Variants in MYO7A observed in about 807,000 individuals in gnomAD.
MYO7A encodes unconventional myosin-VIIa.
MYO7A carries 210 observed loss-of-function variants against 263.8 expected under a neutral mutation model. The ratio of observed to expected loss-of-function variants is 0.80; its 90% confidence interval spans 0.71 to 0.89. The LOEUF is 0.89. Ranked by LOEUF, MYO7A falls within the 40% of genes least tolerant of loss-of-function variation. The pLI is 0.00. For missense variants in MYO7A, 2,820 were observed against 2,968.3 expected (o/e 0.95, Z 1.16); for synonymous variants, 1,239 against 1,197.3 (o/e 1.03, Z -0.72).
chr11:77,183,169 C>A lies in MYO7A; in HGVS notation c.3375+12C>A. ...AGCTCACAGAGGAGGTGAGGGCAGA[C>A]GCTGGGGGTCTGGCAGCCCAGGGGT... On this transcript the variant is annotated intron_variant, in intron 26 of 48. Transcript: ENST00000409709. The A allele has an allele frequency of 1.3e-6, 2 of 1,550,548 alleles. No individual in the cohort carries two copies. Among genetic ancestry groups the A allele is most frequent in the Non-Finnish European group, 1.7e-6 (2 of 1,146,538 alleles).
intron 4 of MYO7A, among the ~76,000 whole-genome samples, chr11:77,153,680 G>A (rs1952183191): frequency 6.6e-6 from 1 of 152,170 alleles, no homozygotes; most frequent in African/African-American, 2.4e-5. Context: ...CAGCCTGGGT[G>A]ACCACCATTC....
chr11:77,177,556 A>G lies in MYO7A; in HGVS notation c.2195A>G (p.His732Arg). 6.2e-7 allele frequency: 1 copy of G among 1,610,686 alleles called. No homozygotes were observed. Among genetic ancestry groups the G allele is most frequent in the South Asian group, 1.1e-5 (1 of 90,148 alleles). ...GKTKIFLKDHHDMLLEVERDK... is the reference protein window; with the variant it reads ...GKTKIFLKDHRDMLLEVERDK... ...AGGAGCTCTGCCTCCTAGGACCACC[A>G]TGACATGCTGCTGGAAGTGGAGCGG... Residue 732 changes from histidine to arginine, a missense_variant, in exon 19 of 49, where the codon CAT becomes CGT. Coordinates refer to ENST00000409709, the MANE Select transcript of MYO7A (RefSeq NM_000260.4).
At position 77,196,961 on chromosome 11, in the gene MYO7A, C is replaced by T. The variant is rs572079664; in HGVS notation, c.4324-520C>T. 3.3e-5 allele frequency among the ~76,000 whole-genome samples: 5 copies of T among 152,346 alleles called. No individual in the cohort carries two copies. In the South Asian group the frequency reaches 1.0e-3, roughly 32 times the overall value. On this transcript the variant is annotated intron_variant, in intron 32 of 48. Coordinates refer to ENST00000409709, the MANE Select transcript of MYO7A (RefSeq NM_000260.4). ...GCACCCCTCACGGATCACCTCACCT[C>T]CAGGCTCCAGTTCTCCCTTGACACA... is the stretch of plus-strand genomic sequence containing the variant.
At position 77,181,540 on chromosome 11, in the gene MYO7A, C is replaced by T. The variant is rs782744022; in HGVS notation, c.2855C>T (p.Thr952Ile). The change falls in exon 23 of 49, where the codon ACT becomes ATT. Residue 952 changes from threonine to isoleucine, a missense_variant. By Grantham distance (89) the Thr-to-Ile change is moderately conservative. Coordinates refer to ENST00000409709, the MANE Select transcript of MYO7A (RefSeq NM_000260.4). ...GACAAGATGTTTGGCTTCCTGGGGA[C>T]TTCAGGTGGCCTGCCAGGCCAGGAG... ...MVDKMFGFLGTSGGLPGQEGQ... is the reference protein window; with the variant it reads ...MVDKMFGFLGISGGLPGQEGQ... The T allele has an allele frequency of 9.3e-6, 15 of 1,613,346 alleles. No homozygotes were observed. In the Admixed American group the frequency reaches 2.5e-4, roughly 27 times the overall value.
chr11:77,177,440 GA>G (rs1344735084), intron 18 of MYO7A, 108 bp from the exon 19 acceptor site: 2 of 875,936 alleles, frequency 2.3e-6, no homozygotes, highest in Non-Finnish European at 3.6e-6. Context: ...GGGCCCAACT[GA>G]GTTCTTGACC....
In MYO7A at chr11:77,206,140, G is replaced by A; in HGVS notation, c.5680G>A (p.Ala1894Thr). The A allele has an allele frequency of 6.2e-7, 1 of 1,613,402 alleles. No individual in the cohort carries two copies. The highest frequency in any genetic ancestry group is 1.7e-4 in the Middle Eastern group (1 of 6,058). ...CCCTCCGCACCTGGTGGAGGTGGAGGCCATCCAGCACAAGACCACCCAGAT... is the reference window on the plus strand; with the variant it reads ...CCCTCCGCACCTGGTGGAGGTGGAGACCATCCAGCACAAGACCACCCAGAT... ...KYPPHLVEVE[A>T]IQHKTTQIFH... The change falls in exon 41 of 49, where the codon GCC (alanine) becomes ACC (threonine). Residue 1894 changes from alanine (A) to threonine (T), a missense_variant. Transcript: ENST00000409709.
Position 77,206,133 on chromosome 11 carries a change from G to T in MYO7A, c.5673G>T (p.Glu1891Asp). ...GSRKYPPHLV[E>D]VEAIQHKTTQ... Reference sequence around the variant, plus strand: ...GGAAGTACCCTCCGCACCTGGTGGAGGTGGAGGCCATCCAGCACAAGACCA... The same window carrying T: ...GGAAGTACCCTCCGCACCTGGTGGATGTGGAGGCCATCCAGCACAAGACCA... The change falls in exon 41 of 49, where the codon GAG becomes GAT. Residue 1891 changes from glutamate (E) to aspartate (D), a missense_variant. Physicochemically the swap from Glu to Asp is conservative, Grantham distance 45 (BLOSUM62 2). Coordinates refer to ENST00000409709, the MANE Select transcript of MYO7A (RefSeq NM_000260.4). 6.2e-7 allele frequency: 1 copy of T among 1,613,540 alleles called. No homozygotes were observed. The highest frequency in any genetic ancestry group is 8.5e-7 in the Non-Finnish European group (1 of 1,179,744).
At chr11:77,140,898 G>C (rs1951170198) in intron 2 of MYO7A, among the ~76,000 whole-genome samples, 1 of 152,222 alleles carries the variant, frequency 6.6e-6, no homozygotes, top group Admixed American at 6.5e-5. Flanking sequence ...CCATTCACAT[G>C]AAGAGAGGGT....
intron 2 of MYO7A, chr11:77,142,454 C>A: frequency 1.9e-6 from 1 of 538,130 alleles, no homozygotes; most frequent in South Asian, 1.5e-5. Context: ...CCTTGGCTCT[C>A]TCTGAGCCTC....
rs1555048456 is a variant in MYO7A at position 77,138,225 on chromosome 11, G to A, written c.19-4484G>A. Among the ~76,000 whole-genome samples, 1 of 151,956 alleles carries A rather than the reference G, an allele frequency of 6.6e-6. No individual in the cohort carries two copies. On this transcript the variant is annotated intron_variant, in intron 2 of 48. Transcript: ENST00000409709. The surrounding 1 kb of genome is among the most constrained non-coding windows in gnomAD (Gnocchi z 4.9). ...GCCATGGGCCCGCAGCAGATGGCCCGGTTTAGGGTTCCGGGGCGGGCGGCG... is the reference window on the plus strand; with the variant it reads ...GCCATGGGCCCGCAGCAGATGGCCCAGTTTAGGGTTCCGGGGCGGGCGGCG...
intron 26 of MYO7A, among the ~76,000 whole-genome samples, chr11:77,184,266 CAG>C (rs782107475): frequency 2.0e-5 from 3 of 152,208 alleles, no homozygotes; most frequent in East Asian, 3.9e-4. Flanking sequence ...CGCTTGGAGT[CAG>C]AGGATCATGT....
chr11:77,190,040 C>A lies in MYO7A; in HGVS notation c.3651C>A (p.His1217Gln), dbSNP rs776731918. 3.8e-6 allele frequency: 6 copies of A among 1,559,618 alleles called. No individual in the cohort carries two copies. The highest frequency in any genetic ancestry group is 5.2e-6 in the Non-Finnish European group (6 of 1,152,398). ...TGCAGTACCTGCGGAACTTCATCCA[C>A]GGGGGCCCGCCCGGCTACGCCCCGT... ...KFVKYLRNFI[H>Q]GGPPGYAPYC... Residue 1217 changes from histidine to glutamine, a missense_variant, in exon 29 of 49, where the codon CAC (histidine) becomes CAA (glutamine). By Grantham distance (24) the His-to-Gln change is conservative. Coordinates refer to ENST00000409709, the MANE Select transcript of MYO7A (RefSeq NM_000260.4).
rs115708180 is a variant in MYO7A, at chr11:77,172,733, C to T, written c.1798-15C>T. ...CAGGCACAGCCCCTCCCATCGCTGCCGTCCGTCCCCCCAGGGCGCCGAGAC... is the reference window on the plus strand; with the variant it reads ...CAGGCACAGCCCCTCCCATCGCTGCTGTCCGTCCCCCCAGGGCGCCGAGAC... On this transcript the variant is annotated splice_polypyrimidine_tract_variant and intron_variant, in intron 15 of 48. Transcript: ENST00000409709. 2,240 of 1,550,924 alleles carry T rather than the reference C, an allele frequency of 1.4e-3. 30 individuals are homozygous for T. The African/African-American group carries it at 0.026, about 18-fold the overall frequency.
chr11:77,163,743 C>T (rs1477245230), intron 14 of MYO7A, among the ~76,000 whole-genome samples: 2 of 152,174 alleles, frequency 1.3e-5, no homozygotes, highest in African/African-American at 2.4e-5. Context: ...CACGTTGTAG[C>T]ATGTATCAAT....
intron 19 of MYO7A, 23 bp downstream of exon 19, chr11:77,177,666 C>G (rs1555080847): frequency 6.3e-7 from 1 of 1,579,242 alleles, no homozygotes; most frequent in Admixed American, 1.7e-5. Flanking sequence ...ACCAGCTCCT[C>G]CCCTCCTCAG....
intron 24 of MYO7A, 66 bp from the exon 25 acceptor site, chr11:77,182,358 C>G: frequency 6.6e-7 from 1 of 1,513,080 alleles, no homozygotes; most frequent in South Asian, 1.3e-5. Context: ...CCCAAACCGC[C>G]AGGTCATTTT....
At chr11:77,202,929 G>A in intron 37 of MYO7A, 131 bp from the exon 38 acceptor site, 2 of 1,178,710 alleles carry the variant, frequency 1.7e-6, no homozygotes, top group Non-Finnish European at 2.3e-6. Flanking sequence ...GGGCAGGGAA[G>A]AGCAGGGCCT....
intron 18 of MYO7A, among the ~76,000 whole-genome samples, chr11:77,176,602 G>A (rs1399201458): frequency 2.0e-5 from 3 of 152,162 alleles, no homozygotes; most frequent in African/African-American, 7.2e-5. Context: ...AGGGAACTCG[G>A]AGGAGCTCCA....
chr11:77,133,355 C>G (rs1950820092), intron 2 of MYO7A, among the ~76,000 whole-genome samples: 1 of 152,136 alleles, frequency 6.6e-6, no homozygotes, highest in South Asian at 2.1e-4. Flanking sequence ...CATGGTGGTG[C>G]CAGGGTAGGG....
Sources: gnomAD v4.1 joint callset for allele counts (sites outside exome capture counted in the v4.1 genomes callset) on GRCh38, gnomAD v4.1.1 for gene constraint, Gnocchi (gnomAD v3.1) non-coding constraint, MANE v1.5 for transcripts, NCBI Gene and HGNC (gene_info 2026-07-23, HGNC 2026-07-21) for gene names.